The following HDAC8 variants were observed in gnomAD, a reference collection of about 807,000 sequenced individuals.
The protein encoded by HDAC8 is histone deacetylase 8.
Under a neutral mutation model 32.2 loss-of-function variants are expected in HDAC8, and 1 was observed. The ratio of observed to expected loss-of-function variants is 0.03; its 90% confidence interval spans 0.01 to 0.15. The LOEUF is 0.15. Ranked by LOEUF, HDAC8 falls within the 10% of genes least tolerant of loss-of-function variation. The pLI is 1.00. For missense variants in HDAC8, 117 were observed against 300.0 expected (o/e 0.39, Z 4.51); for synonymous variants, 108 against 113.9 (o/e 0.95, Z 0.33).
At chrX:72,440,645 C>T (rs782023985) in intron 9 of HDAC8, among the ~76,000 whole-genome samples, 14 of 111,951 alleles carry the variant, frequency 1.3e-4, no homozygotes, top group African/African-American at 2.3e-4. Flanking sequence ...TCTGAGGTAC[C>T]GGGTCCATCT....
chrX:72,464,524 G>A lies in HDAC8; in HGVS notation c.910+35C>T, dbSNP rs782196784. The A allele has an allele frequency of 3.5e-6, 4 of 1,144,666 alleles. No homozygotes were observed. The African/African-American group carries it at 5.4e-5, about 15-fold the overall frequency. The allele number at this position is 1,144,666 out of a possible 1,213,427, so 94.3% of individuals were successfully genotyped here. A position where few individuals can be genotyped will look rare whatever the true frequency, so the allele number is the denominator to read the frequency against. On this transcript the variant is annotated intron_variant, in intron 8 of 10. Transcript: ENST00000373573. ...GCCAATGGACAAAATGTGGAGGAAG[G>A]TCAACAAATTCTGGTAACCTTCCTT...
chrX:72,568,174 G>T, intron 3 of HDAC8, 144 bp from the exon 4 acceptor site: 1 of 490,527 alleles, frequency 2.0e-6, no homozygotes, highest in Non-Finnish European at 3.5e-6. Context: ...CTCCAATGTT[G>T]GGGATATAAT....
At chrX:72,467,291 C>T (rs2048045897) in intron 7 of HDAC8, 2 of 110,951 alleles carry the variant, frequency 1.8e-5, no homozygotes, top group Admixed American at 9.6e-5. Flanking sequence ...ATTTTGATGC[C>T]GTAATATAAT....
At chrX:72,503,565 T>A (rs1014416775) in intron 4 of HDAC8, among the ~76,000 whole-genome samples, 2 of 111,979 alleles carry the variant, frequency 1.8e-5, no homozygotes, top group African/African-American at 6.5e-5. Flanking sequence ...TTTTGTAAAC[T>A]GAAATGAAAT....
At position 72,356,497 on chromosome X, in the gene HDAC8, G is replaced by C. The variant is rs373556219; in HGVS notation, c.1006-4659C>G. Among the ~76,000 whole-genome samples the C allele has an allele frequency of 7.1e-5, 8 of 111,937 alleles. No individual in the cohort carries two copies. The East Asian group carries it at 2.2e-3, about 31-fold the overall frequency. ...TGTTTTGTTCCCTGCTGCATTGCCA[G>C]TTTCCAAAACAGTGTGTGCACCTAG... On this transcript the variant is annotated intron_variant, in intron 9 of 10. Transcript: ENST00000373573.
At chrX:72,377,488 T>C (rs961955466) in intron 9 of HDAC8, among the ~76,000 whole-genome samples, 9 of 112,340 alleles carry the variant, frequency 8.0e-5, no homozygotes, top group African/African-American at 2.9e-4. Flanking sequence ...TTATTGAAAA[T>C]GGAGTATTGA....
intron 9 of HDAC8, among the ~76,000 whole-genome samples, chrX:72,378,136 G>A (rs1555958856): frequency 9.1e-6 from 1 of 109,956 alleles, no homozygotes; most frequent in African/African-American, 3.3e-5. Flanking sequence ...AATAGTATAT[G>A]TTATGGTTTG....
intron 7 of HDAC8, among the ~76,000 whole-genome samples, chrX:72,476,377 A>G (rs893841764): frequency 9.0e-6 from 1 of 110,889 alleles, no homozygotes; most frequent in Non-Finnish European, 1.9e-5. Flanking sequence ...AAAACAAAAA[A>G]TGGAAGAAGA....
intron 4 of HDAC8, among the ~76,000 whole-genome samples, chrX:72,522,940 T>G (rs569142659): frequency 8.9e-6 from 1 of 112,169 alleles, no homozygotes; most frequent in South Asian, 3.7e-4. Flanking sequence ...CGTCAATAAG[T>G]GTAGAGCTCT....
At chrX:72,512,267 T>G (rs1556022359) in intron 4 of HDAC8, among the ~76,000 whole-genome samples, 1 of 111,313 alleles carries the variant, frequency 9.0e-6, no homozygotes. Flanking sequence ...TCAGGTGGTC[T>G]GCCTGAGAGG....
In HDAC8 at chrX:72,345,144, G is replaced by T. The variant is rs1294866055; in HGVS notation, c.1111+6589C>A. The stretch of plus-strand genomic sequence containing the variant: ...ATATCTCCCAATGGCACCAACATGA[G>T]GGGGGTGGGGTTCAAAAATATATGT... On this transcript the variant is annotated intron_variant, in intron 10 of 10. Transcript: ENST00000373573. 2.7e-5 allele frequency among the ~76,000 whole-genome samples: 3 copies of T among 111,631 alleles called. No homozygotes were observed. The Admixed American group carries it at 2.9e-4, about 11-fold the overall frequency.
At position 72,563,133 on chromosome X, in the gene HDAC8, C is replaced by T. The variant is rs553718429; in HGVS notation, c.437+4756G>A. 1.2e-4 allele frequency among the ~76,000 whole-genome samples: 13 copies of T among 111,439 alleles called. No individual in the cohort carries two copies. The South Asian group carries it at 2.3e-3, about 20-fold the overall frequency. On this transcript the variant is annotated intron_variant, in intron 4 of 10. Transcript: ENST00000373573. ...CTGACCTCAGGTGATCCACCTGCCTCGGCCTCCTAAAGTGCTTGGATTACA... is the reference window on the plus strand; with the variant it reads ...CTGACCTCAGGTGATCCACCTGCCTTGGCCTCCTAAAGTGCTTGGATTACA...
intron 9 of HDAC8, among the ~76,000 whole-genome samples, chrX:72,457,310 A>G (rs1232938469): frequency 1.8e-5 from 2 of 112,353 alleles, no homozygotes; most frequent in East Asian, 5.6e-4. Flanking sequence ...GGACCAGATA[A>G]AGATATTCAC....
chrX:72,472,072 A>ATT (rs782362925), intron 7 of HDAC8, among the ~76,000 whole-genome samples: 1,625 of 94,287 alleles, frequency 0.017, 35 homozygotes, highest in African/African-American at 0.054. Flanking sequence ...TATTTTATTT[A>ATT]TTTTTTTTTT....
At chrX:72,443,351 C>A (rs1421234210) in intron 9 of HDAC8, among the ~76,000 whole-genome samples, 1 of 111,096 alleles carries the variant, frequency 9.0e-6, no homozygotes, top group African/African-American at 3.3e-5. Context: ...GACCACAATG[C>A]AATCAAACTA....
At chrX:72,525,285 T>C (rs972721272) in intron 4 of HDAC8, among the ~76,000 whole-genome samples, 5 of 111,479 alleles carry the variant, frequency 4.5e-5, no homozygotes, top group Non-Finnish European at 7.5e-5. Flanking sequence ...AGACCGTCAG[T>C]ATGATAGATT....
rs60157108 is a variant in HDAC8 at position 72,455,918 on chromosome X, C to A, written c.1005+6086G>T. ...ATAGTACATAAAAAGTTCACTGATA[C>A]GGTTTCAGATTCCACACTGGATTAA... is the stretch of plus-strand genomic sequence containing the variant. On this transcript the variant is annotated intron_variant, in intron 9 of 10. Transcript: ENST00000373573. Among the ~76,000 whole-genome samples the A allele has an allele frequency of 3.6e-5, 4 of 112,235 alleles. No homozygotes were observed. In the East Asian group the frequency reaches 8.4e-4, roughly 23 times the overall value.
At chrX:72,474,260 T>A (rs2048266918) in intron 7 of HDAC8, 5 of 729,153 alleles carry the variant, frequency 6.9e-6, no homozygotes, top group Non-Finnish European at 8.1e-6. Flanking sequence ...ATGTTTTATT[T>A]ATTTAAATGT....
At chrX:72,473,199 C>T (rs2148069021) in intron 7 of HDAC8, among the ~76,000 whole-genome samples, 1 of 112,284 alleles carries the variant, frequency 8.9e-6, no homozygotes, top group Admixed American at 9.4e-5. Context: ...ATCTTATTTT[C>T]CAATAACACC....
Sources: allele counts gnomAD v4.1 joint callset (sites outside exome capture counted in the v4.1 genomes callset), GRCh38; gene constraint gnomAD v4.1.1; transcripts MANE v1.5; gene names NCBI Gene and HGNC (gene_info 2026-07-23, HGNC 2026-07-21).